Variants in NXPE4 observed in about 807,000 individuals in gnomAD.
The protein encoded by NXPE4 is NXPE family member 4.
Under a neutral mutation model 33.3 loss-of-function variants are expected in NXPE4, and 42 were observed. That is an observed-to-expected ratio of 1.26 (90% confidence interval 0.98 to 1.63). The LOEUF is 1.63. Ranked by LOEUF, NXPE4 falls within the 40% of genes most tolerant of loss-of-function variation. NXPE4 has a pLI of 0.00. For synonymous variants in NXPE4, 253 were observed against 234.9 expected, an observed-to-expected ratio of 1.08 and a Z score of -0.71; for missense variants, 709 against 647.6, an observed-to-expected ratio of 1.09 and a Z score of -1.03.
chr11:114,626,775 A>T, the NXPE4 span, among the ~76,000 whole-genome samples: 13,985 of 152,170 alleles, frequency 0.092, 762 homozygotes, highest in Middle Eastern at 0.2. Context: ...CTTTGAAAAA[A>T]ATTTAGAATA....
chr11:114,619,017 C>T, the NXPE4 span, among the ~76,000 whole-genome samples: 1 of 152,034 alleles, frequency 6.6e-6, no homozygotes, highest in African/African-American at 2.4e-5. Context: ...ACCACTGTTA[C>T]CCAGTTGATA....
the NXPE4 span, among the ~76,000 whole-genome samples, chr11:114,638,287 G>A: frequency 1.0e-3 from 152 of 151,924 alleles, 2 homozygotes; most frequent in East Asian, 0.024. Flanking sequence ...TCTTCATGTA[G>A]TTCTCGAGCC....
intron 1 of NXPE4, among the ~76,000 whole-genome samples, chr11:114,595,345 A>G (rs11829001): frequency 0.053 from 8,014 of 152,054 alleles, 718 homozygotes; most frequent in African/African-American, 0.18. Flanking sequence ...TTTTTCCATG[A>G]TTCATCTTAA....
the NXPE4 span, among the ~76,000 whole-genome samples, chr11:114,636,916 T>G: frequency 6.6e-6 from 1 of 152,068 alleles, no homozygotes; most frequent in Non-Finnish European, 1.5e-5. Context: ...GTGTGGTGTG[T>G]TGCTGAAAAA....
chr11:114,651,538 G>C, the NXPE4 span, among the ~76,000 whole-genome samples: 1 of 152,222 alleles, frequency 6.6e-6, no homozygotes, highest in Non-Finnish European at 1.5e-5. Flanking sequence ...AATCCGAAAA[G>C]ATTGCCACTG....
the NXPE4 span, among the ~76,000 whole-genome samples, chr11:114,660,737 A>T: frequency 3.3e-5 from 5 of 152,122 alleles, no homozygotes; most frequent in Non-Finnish European, 7.4e-5. Context: ...CTTATTCAGC[A>T]TTATACTGGA....
At chr11:114,607,675 T>C in the NXPE4 span, among the ~76,000 whole-genome samples, 1 of 151,572 alleles carries the variant, frequency 6.6e-6, no homozygotes, top group South Asian at 2.1e-4. Flanking sequence ...ATAATAAGTG[T>C]TGAGTTGCGG....
chr11:114,592,531 T>TCA lies in NXPE4; in HGVS notation c.96+2131_96+2132dup, dbSNP rs556698266. ...AATTGGAGAACACACACACACACAC[T>TCA]CACACACACACACACAAAATAGATA... On this transcript the variant is annotated intron_variant, in intron 2 of 5. Coordinates refer to ENST00000375478, the MANE Select transcript of NXPE4 (RefSeq NM_001077639.2). 6.3e-3 allele frequency among the ~76,000 whole-genome samples: 941 copies of TCA among 148,246 alleles called. 11 individuals carry two copies. Among genetic ancestry groups the TCA allele is most frequent in the Non-Finnish European group, 7.2e-3 (479 of 66,760 alleles).
chr11:114,630,865 A>T, the NXPE4 span, among the ~76,000 whole-genome samples: 1 of 151,930 alleles, frequency 6.6e-6, no homozygotes, highest in Non-Finnish European at 1.5e-5. Context: ...TGGGCAAAGG[A>T]CATGAACAGA....
At chr11:114,622,809 A>G in the NXPE4 span, among the ~76,000 whole-genome samples, 80,130 of 151,948 alleles carry the variant, frequency 0.53, 22,192 homozygotes, top group African/African-American at 0.68. Flanking sequence ...GTATTGCCTC[A>G]TGGGTTACCA....
chr11:114,646,601 C>T, the NXPE4 span, among the ~76,000 whole-genome samples: 1 of 150,576 alleles, frequency 6.6e-6, no homozygotes, highest in Non-Finnish European at 1.5e-5. Flanking sequence ...AAATATGTTA[C>T]ATATTCTCAG....
In NXPE4 at chr11:114,570,764, G is replaced by A. The variant is rs73574344; in HGVS notation, c.*174C>T. The A allele has an allele frequency of 8.4e-3, 4,392 of 525,920 alleles. 172 individuals carry two copies. The highest frequency in any genetic ancestry group is 0.076 in the African/African-American group (3,959 of 51,874). 32.6% of individuals were successfully genotyped at this position (525,920 alleles called of 1,614,324 possible). On this transcript the variant is annotated 3_prime_UTR_variant, in exon 6 of 6. Coordinates refer to ENST00000375478, the MANE Select transcript of NXPE4 (RefSeq NM_001077639.2). ...TTTTTAGTTTTATTTTTAAGTGGAA[G>A]CCCAGATTAGAAACATCTCATTTAG... is the stretch of plus-strand genomic sequence containing the variant.
At chr11:114,639,914 A>T in the NXPE4 span, among the ~76,000 whole-genome samples, 22 of 116,346 alleles carry the variant, frequency 1.9e-4, no homozygotes, top group Admixed American at 2.1e-3. Flanking sequence ...TATAAAATAT[A>T]ATATTATATT....
the NXPE4 span, among the ~76,000 whole-genome samples, chr11:114,664,862 A>G: frequency 6.6e-5 from 10 of 152,158 alleles, no homozygotes; most frequent in Admixed American, 6.6e-4. Flanking sequence ...AATACTCTAC[A>G]GTGTACTACT....
At chr11:114,618,758 A>C in the NXPE4 span, among the ~76,000 whole-genome samples, 4 of 152,192 alleles carry the variant, frequency 2.6e-5, no homozygotes, top group African/African-American at 9.6e-5. Flanking sequence ...GTGCGTAGCC[A>C]CTGTTATCTG....
At chr11:114,642,679 T>C in the NXPE4 span, among the ~76,000 whole-genome samples, 1 of 152,066 alleles carries the variant, frequency 6.6e-6, no homozygotes, top group Non-Finnish European at 1.5e-5. Flanking sequence ...GACATTTGGG[T>C]TGGTTCCAAG....
upstream of NXPE4, among the ~76,000 whole-genome samples, chr11:114,599,288 C>A (rs762243716): frequency 2.6e-5 from 4 of 152,184 alleles, no homozygotes; most frequent in Non-Finnish European, 5.9e-5. Flanking sequence ...TCATCTCCTT[C>A]TGAGACCTCC....
At chr11:114,621,521 G>T in the NXPE4 span, among the ~76,000 whole-genome samples, 2 of 152,170 alleles carry the variant, frequency 1.3e-5, no homozygotes, top group Non-Finnish European at 2.9e-5. Flanking sequence ...TGCCTCGTGT[G>T]TAACCACTGT....
At chr11:114,653,158 G>T in the NXPE4 span, among the ~76,000 whole-genome samples, 2 of 152,104 alleles carry the variant, frequency 1.3e-5, no homozygotes, top group Non-Finnish European at 2.9e-5. Context: ...AAGTTTCAAA[G>T]TTATAAAAGT....
Sources: allele counts gnomAD v4.1 joint callset (sites outside exome capture counted in the v4.1 genomes callset), GRCh38; gene constraint gnomAD v4.1.1; transcripts MANE v1.5; gene names NCBI Gene and HGNC (gene_info 2026-07-23, HGNC 2026-07-21).